SOX6: variants seen among roughly 807,000 people sequenced by gnomAD.
SOX6 encodes transcription factor SOX-6.
SOX6 carries 11 observed loss-of-function variants against 97.8 expected under a neutral mutation model. The observed-to-expected ratio is 0.11, with a 90% CI of 0.07 to 0.19. The LOEUF (loss-of-function observed/expected upper bound fraction) is 0.19. Ranked by LOEUF, SOX6 falls within the 10% of genes least tolerant of loss-of-function variation. The pLI is 1.00. For missense variants in SOX6, 810 were observed against 1,039.5 expected, an observed-to-expected ratio of 0.78 and a Z score of 3.04; for synonymous variants, 360 against 371.4, an observed-to-expected ratio of 0.97 and a Z score of 0.35.
At chr11:16,218,022 T>G (rs1852423509) in intron 4 of SOX6, among the ~76,000 whole-genome samples, 1 of 152,154 alleles carries the variant, frequency 6.6e-6, no homozygotes, top group South Asian at 2.1e-4. Context: ...CTTCTTACCA[T>G]GAAGAATTTC....
chr11:16,020,020 C>A (rs552137025), intron 12 of SOX6, among the ~76,000 whole-genome samples: 10 of 152,150 alleles, frequency 6.6e-5, no homozygotes, highest in African/African-American at 2.2e-4. Flanking sequence ...AGTTTGATTT[C>A]CATTTGTGTA....
intron 4 of SOX6, among the ~76,000 whole-genome samples, chr11:16,536,029 G>T (rs1010473336): frequency 1.4e-4 from 22 of 152,258 alleles, no homozygotes; most frequent in African/African-American, 5.3e-4. Flanking sequence ...CATCTTGCTA[G>T]GACATTGTTA....
At chr11:16,191,391 T>C (rs1322110936) in intron 4 of SOX6, among the ~76,000 whole-genome samples, 4 of 151,684 alleles carry the variant, frequency 2.6e-5, no homozygotes, top group Non-Finnish European at 4.4e-5. Flanking sequence ...AGCCCAGGAG[T>C]TCAAGACTGC....
rs114210053 is a variant in SOX6, at chr11:16,394,988, G to A, written c.-4-53736C>T. Among the ~76,000 whole-genome samples the A allele has an allele frequency of 7.3e-3, 1,109 of 151,824 alleles. 16 individuals carry two copies. Among genetic ancestry groups the A allele is most frequent in the African/African-American group, 0.024 (986 of 41,476 alleles). On this transcript the variant is annotated intron_variant, in intron 1 of 15. Transcript: ENST00000396356. ...ATTAAGAAACAAAAACATTTCTACC[G>A]CCATCCGCACCCCAATCTTAGAGCA...
intron 3 of SOX6, among the ~76,000 whole-genome samples, chr11:16,264,067 ATGTT>A (rs760878492): frequency 6.6e-6 from 1 of 151,866 alleles, no homozygotes; most frequent in Non-Finnish European, 1.5e-5. Context: ...TTCTTCATTC[ATGTT>A]TGTTTGTTTG....
intron 3 of SOX6, among the ~76,000 whole-genome samples, chr11:16,250,179 C>T (rs1283797825): frequency 2.0e-5 from 3 of 152,052 alleles, no homozygotes; most frequent in African/African-American, 7.2e-5. Context: ...GGACTGAGAA[C>T]CTTATTGTGA....
rs1853192923 is a variant in SOX6, at chr11:15,968,089, T to C, written c.*4720A>G. The C allele has an allele frequency of 1.3e-5, 2 of 152,120 alleles. No individual in the cohort carries two copies. The highest frequency in any genetic ancestry group is 4.8e-5 in the African/African-American group (2 of 41,428). The allele number at this position is 152,120 out of a possible 1,614,324, so 9.4% of individuals were successfully genotyped here. ...ATATGGCATCAGAAACAGAACATCA[T>C]TGGCAGGAATAACAGACAGAAGTTG... is the stretch of plus-strand genomic sequence containing the variant. On this transcript the variant is annotated 3_prime_UTR_variant, in exon 16 of 16. Transcript: ENST00000683767.
intron 1 of SOX6, among the ~76,000 whole-genome samples, chr11:16,373,419 T>G (rs896455681): frequency 5.9e-5 from 9 of 152,074 alleles, no homozygotes; most frequent in Non-Finnish European, 1.3e-4. Flanking sequence ...CACACTTTGT[T>G]TTGTTCCATT....
At chr11:16,041,797 T>C (rs764112102) in intron 12 of SOX6, among the ~76,000 whole-genome samples, 3 of 152,170 alleles carry the variant, frequency 2.0e-5, no homozygotes, top group Non-Finnish European at 4.4e-5. Flanking sequence ...TTATACAAGT[T>C]ACTCCAAAAA....
intron 1 of SOX6, among the ~76,000 whole-genome samples, chr11:16,472,803 T>C (rs1590216233): frequency 1.3e-5 from 2 of 152,230 alleles, no homozygotes; most frequent in African/African-American, 4.8e-5. Context: ...ATTTATAACA[T>C]TACTTATTTC....
chr11:16,056,503 T>A (rs1273787426), intron 9 of SOX6, among the ~76,000 whole-genome samples: 3 of 152,152 alleles, frequency 2.0e-5, no homozygotes, highest in African/African-American at 7.2e-5. Context: ...TATGGCCAGA[T>A]TGGTAGCAGT....
intron 12 of SOX6, among the ~76,000 whole-genome samples, chr11:16,046,255 T>C (rs1170680358): frequency 6.6e-6 from 1 of 152,158 alleles, no homozygotes; most frequent in Non-Finnish European, 1.5e-5. Flanking sequence ...AAGATACATC[T>C]ATTTCAGAAT....
chr11:16,699,197 A>G (rs991505670), intron 3 of SOX6, among the ~76,000 whole-genome samples: 1 of 152,230 alleles, frequency 6.6e-6, no homozygotes, highest in Non-Finnish European at 1.5e-5. Flanking sequence ...TGTTTAGCAT[A>G]TATTTTCTCA....
In SOX6 at chr11:16,733,783, T is replaced by C. The variant is rs1218751887; in HGVS notation, n.353+2556A>G. Reference sequence around the variant, plus strand: ...GGCTCACGTCTGTAATCCCAGCACTTTGGGAGGCCGAGGCGGGTGGATCAC... The same window carrying C: ...GGCTCACGTCTGTAATCCCAGCACTCTGGGAGGCCGAGGCGGGTGGATCAC... On this transcript the variant is annotated intron_variant and non_coding_transcript_variant, in intron 2 of 5. Coordinates refer to the SOX6 transcript ENST00000524520. Among the ~76,000 whole-genome samples the C allele has an allele frequency of 3.3e-5, 5 of 150,150 alleles. No homozygotes were observed. The East Asian group carries it at 7.8e-4, about 23-fold the overall frequency.
chr11:16,193,416 C>A (rs751363490), intron 4 of SOX6, among the ~76,000 whole-genome samples: 2 of 151,904 alleles, frequency 1.3e-5, no homozygotes, highest in African/African-American at 2.4e-5. Flanking sequence ...TGTTAACATA[C>A]CAAGCCAAAT....
At chr11:16,029,111 C>T (rs776750525) in intron 12 of SOX6, among the ~76,000 whole-genome samples, 2 of 152,172 alleles carry the variant, frequency 1.3e-5, no homozygotes, top group Non-Finnish European at 1.5e-5. Flanking sequence ...AAAGCAAGTG[C>T]TTCAACATAA....
At chr11:16,382,906 A>G (rs1857868387) in intron 1 of SOX6, among the ~76,000 whole-genome samples, 1 of 151,916 alleles carries the variant, frequency 6.6e-6, no homozygotes, top group South Asian at 2.1e-4. Flanking sequence ...TAATCTCTTA[A>G]GCACCATTAA....
intron 3 of SOX6, among the ~76,000 whole-genome samples, chr11:16,695,708 G>A (rs758428090): frequency 8.6e-5 from 13 of 151,992 alleles, no homozygotes; most frequent in Non-Finnish European, 1.2e-4. Context: ...AACAGAATCC[G>A]GCCAGGCATG....
At chr11:15,979,042 C>CAT (rs57062569) in intron 15 of SOX6, among the ~76,000 whole-genome samples, 13,240 of 106,950 alleles carry the variant, frequency 0.12, 907 homozygotes, top group African/African-American at 0.17. Flanking sequence ...ATATATTTTA[C>CAT]ATATATATAT....
Sources: gnomAD v4.1 joint callset for allele counts (sites outside exome capture counted in the v4.1 genomes callset) on GRCh38, gnomAD v4.1.1 for gene constraint, MANE v1.5 for transcripts, NCBI Gene and HGNC (gene_info 2026-07-23, HGNC 2026-07-21) for gene names.